Variants in PRIM2 observed in about 807,000 individuals in gnomAD.
PRIM2 encodes the protein DNA primase subunit 2, also known as DNA primase large subunit.
A neutral mutation model predicts 67.3 loss-of-function variants in PRIM2; 39 were observed. The observed-to-expected ratio is 0.58, with a 90% CI of 0.45 to 0.76. The LOEUF (loss-of-function observed/expected upper bound fraction) is 0.76. Ranked by LOEUF, PRIM2 falls within the 30% of genes least tolerant of loss-of-function variation. The pLI is 0.00. For missense variants in PRIM2, 398 were observed against 598.7 expected, an observed-to-expected ratio of 0.66 and a Z score of 3.50; for synonymous variants, 143 against 198.7, an observed-to-expected ratio of 0.72 and a Z score of 2.36.
At chr6:57,261,684 G>T in the PRIM2 span, among the ~76,000 whole-genome samples, 66 of 152,244 alleles carry the variant, frequency 4.3e-4, 1 homozygote, top group South Asian at 7.9e-3. Context: ...GTTTCCAGGT[G>T]GGGGCACAGC....
the PRIM2 span, among the ~76,000 whole-genome samples, chr6:57,229,327 A>G: frequency 2.0e-5 from 3 of 152,030 alleles, no homozygotes; most frequent in Admixed American, 6.6e-5. Flanking sequence ...ATCTATTTCT[A>G]TTCTACAGTT....
intron 7 of PRIM2, among the ~76,000 whole-genome samples, chr6:57,496,722 T>C (rs1394598564): frequency 6.6e-6 from 1 of 152,102 alleles, no homozygotes; most frequent in Admixed American, 6.6e-5. Flanking sequence ...GAAAATACAA[T>C]AATAATAAGG....
chr6:57,371,958 C>G (rs1769573539), intron 5 of PRIM2, among the ~76,000 whole-genome samples: 1 of 152,206 alleles, frequency 6.6e-6, no homozygotes, highest in Admixed American at 6.5e-5. Flanking sequence ...TTACTGTCAA[C>G]AGAGATATAT....
chr6:57,357,395 C>T (rs1769064979), intron 5 of PRIM2, among the ~76,000 whole-genome samples: 1 of 152,208 alleles, frequency 6.6e-6, no homozygotes, highest in African/African-American at 2.4e-5. Context: ...TCCCTAGCCT[C>T]ATCTCTTACC....
chr6:57,489,077 G>A (rs1335204905), intron 7 of PRIM2, among the ~76,000 whole-genome samples: 1 of 152,222 alleles, frequency 6.6e-6, no homozygotes, highest in African/African-American at 2.4e-5. Context: ...GGCTGTGCAA[G>A]GGGCCACAGG....
intron 7 of PRIM2, among the ~76,000 whole-genome samples, chr6:57,485,064 A>G (rs2127407024): frequency 6.6e-6 from 1 of 152,360 alleles, no homozygotes; most frequent in African/African-American, 2.4e-5. Context: ...AGGACAAGTT[A>G]CGATGGAGCC....
chr6:57,297,589 A>G, the PRIM2 span, among the ~76,000 whole-genome samples: 1 of 152,206 alleles, frequency 6.6e-6, no homozygotes, highest in Non-Finnish European at 1.5e-5. Context: ...TGTCCCCTCA[A>G]GATAGTCACA....
chr6:57,471,285 A>C, intron 7 of PRIM2, among the ~76,000 whole-genome samples: 1 of 152,228 alleles, frequency 6.6e-6, no homozygotes, highest in East Asian at 1.9e-4. Context: ...CAGGAGAGCC[A>C]AGGGGAGGGA....
the PRIM2 span, among the ~76,000 whole-genome samples, chr6:57,306,068 T>A: frequency 6.6e-6 from 1 of 152,200 alleles, no homozygotes; most frequent in Non-Finnish European, 1.5e-5. Context: ...TCTTTTTTAG[T>A]CCTCTATATC....
At chr6:57,637,709 A>G (rs1777149577) in intron 13 of PRIM2, among the ~76,000 whole-genome samples, 1 of 152,222 alleles carries the variant, frequency 6.6e-6, no homozygotes, top group Non-Finnish European at 1.5e-5. Flanking sequence ...TAGAGAAAAA[A>G]GAATGAAAAG....
chr6:57,384,232 A>G (rs1171060178), intron 7 of PRIM2, among the ~76,000 whole-genome samples: 2 of 152,196 alleles, frequency 1.3e-5, no homozygotes, highest in African/African-American at 4.8e-5. Context: ...AGGTGTCGGC[A>G]TGGCCATGCT....
chr6:57,545,230 C>T (rs1295682375), intron 10 of PRIM2, among the ~76,000 whole-genome samples: 16 of 151,942 alleles, frequency 1.1e-4, no homozygotes, highest in Admixed American at 4.6e-4. Flanking sequence ...TATCATATTA[C>T]GATTCTTATA....
At chr6:57,325,900 C>T in intron 4 of PRIM2, 25 bp from the exon 5 acceptor site, 1 of 1,554,022 alleles carries the variant, frequency 6.4e-7, no homozygotes, top group South Asian at 1.2e-5. Context: ...TTAGTTTGTA[C>T]TCATAATTTC....
At chr6:57,448,241 T>C (rs1772427655) in intron 7 of PRIM2, among the ~76,000 whole-genome samples, 1 of 152,192 alleles carries the variant, frequency 6.6e-6, no homozygotes, top group Non-Finnish European at 1.5e-5. Context: ...ACCATTTTTA[T>C]AAGATATTTT....
At chr6:57,491,493 TAA>T (rs1198775578) in intron 7 of PRIM2, among the ~76,000 whole-genome samples, 1 of 152,242 alleles carries the variant, frequency 6.6e-6, no homozygotes, top group African/African-American at 2.4e-5. Flanking sequence ...GCATTTTTGT[TAA>T]AGAGATACAT....
chr6:57,565,903 G>A (rs1775728803), intron 10 of PRIM2, among the ~76,000 whole-genome samples: 2 of 152,124 alleles, frequency 1.3e-5, no homozygotes, highest in African/African-American at 2.4e-5. Context: ...ATCATGTTCC[G>A]ATTTCTCCAA....
intron 12 of PRIM2, among the ~76,000 whole-genome samples, chr6:57,619,462 G>T (rs1219883213): frequency 1.3e-5 from 2 of 152,170 alleles, no homozygotes; most frequent in African/African-American, 2.4e-5. Context: ...TAGTTATTAA[G>T]CTAATCAGGG....
intron 7 of PRIM2, among the ~76,000 whole-genome samples, chr6:57,385,356 T>A (rs1392159235): frequency 2.6e-5 from 4 of 152,164 alleles, no homozygotes; most frequent in Admixed American, 1.3e-4. Flanking sequence ...TTTAAAAAAA[T>A]TTGAAATATC....
Position 57,383,684 on chromosome 6 carries a change from TGA to T in PRIM2, c.693+1518_693+1519del. On this transcript the variant is annotated intron_variant, in intron 7 of 13. Transcript: ENST00000615550. ...TGGAAGAGCTACAGCCATCTAGAGA[TGA>T]GGCAGGTAACTTCGGGACAACCCAA... 3 of 151,854 alleles carry T rather than the reference TGA, an allele frequency of 2.0e-5. No individual in the cohort carries two copies. In the South Asian group the frequency reaches 6.2e-4, roughly 32 times the overall value. The allele number at this position is 151,854 out of a possible 1,614,324, so 9.4% of individuals were successfully genotyped here. A position where few individuals can be genotyped will look rare whatever the true frequency, so the allele number is the denominator to read the frequency against.
Sources: gnomAD v4.1 joint callset for allele counts (sites outside exome capture counted in the v4.1 genomes callset) on GRCh38, gnomAD v4.1.1 for gene constraint, MANE v1.5 for transcripts, NCBI Gene and HGNC (gene_info 2026-07-23, HGNC 2026-07-21) for gene names.